ATP6V0A4: variants seen among roughly 807,000 people sequenced by gnomAD.
The protein encoded by ATP6V0A4 is ATPase H+ transporting V0 subunit a4, also known as V-type proton ATPase 116 kDa subunit a 4.
In ATP6V0A4, 86 loss-of-function variants were observed where a neutral mutation model predicts 107.3. The observed-to-expected ratio is 0.80, with a 90% CI of 0.67 to 0.96. The LOEUF (loss-of-function observed/expected upper bound fraction) is 0.96, where lower values mean the gene tolerates loss of function less well. Among genes scored for constraint, ATP6V0A4 ranks in the 40% least tolerant of loss-of-function variants. The probability of loss-of-function intolerance (pLI) is 0.00; values close to 1 mark genes in which losing one functional copy is unlikely to be tolerated. For synonymous variants in ATP6V0A4, 353 were observed against 381.4 expected, an observed-to-expected ratio of 0.93 and a Z score of 0.87; for missense variants, 908 against 1,045.6, an observed-to-expected ratio of 0.87 and a Z score of 1.81.
rs56391137 is a variant in ATP6V0A4, at chr7:138,710,192, A to ATTTTTT, written c.2258-403_2258-398dup. On this transcript the variant is annotated intron_variant, in intron 20 of 21. Transcript: ENST00000310018. ...AGAAGTGTGCCGCCACTGTCTGTTA[A>ATTTTTT]TTTTTTTTTTTTTTTCGAGACAGAG... 4.7e-4 allele frequency among the ~76,000 whole-genome samples: 63 copies of ATTTTTT among 135,250 alleles called. 2 individuals are homozygous for ATTTTTT. Among genetic ancestry groups the ATTTTTT allele is most frequent in the Non-Finnish European group, 5.9e-4 (38 of 64,064 alleles). The allele number at this position is 135,250 out of a possible 152,430, so 88.7% of individuals were successfully genotyped here. A position where few individuals can be genotyped will look rare whatever the true frequency, so the allele number is the denominator to read the frequency against.
At chr7:138,777,452 T>C (rs1807711877) in intron 2 of ATP6V0A4, among the ~76,000 whole-genome samples, 1 of 151,448 alleles carries the variant, frequency 6.6e-6, no homozygotes, top group African/African-American at 2.4e-5. Context: ...CCATCTCTAC[T>C]AAAAATACAA....
chr7:138,751,749 C>T (rs964447056), intron 11 of ATP6V0A4, among the ~76,000 whole-genome samples: 5 of 151,542 alleles, frequency 3.3e-5, no homozygotes, highest in Admixed American at 2.0e-4. Context: ...ACACCGCAAG[C>T]GATCTACATA....
chr7:138,753,081 G>T (rs568011385), intron 10 of ATP6V0A4, among the ~76,000 whole-genome samples: 64 of 152,282 alleles, frequency 4.2e-4, no homozygotes, highest in African/African-American at 1.4e-3. Context: ...ATTGTTATGG[G>T]TTGAATTGTC....
At position 138,773,337 on chromosome 7, in the gene ATP6V0A4, C is replaced by T. The variant is rs10237907; in HGVS notation, c.-17-2073G>A. Among the ~76,000 whole-genome samples, 3,023 of 152,200 alleles carry T rather than the reference C, an allele frequency of 0.02. 105 individuals are homozygous for T. Among genetic ancestry groups the T allele is most frequent in the African/African-American group, 0.067 (2,788 of 41,514 alleles). ...GGAAACTCAATATCCTCCTCTCCAC[C>T]GTCCATCCCACGCCCCGCATGACCC... On this transcript the variant is annotated intron_variant, in intron 2 of 21. Coordinates refer to ENST00000310018, the MANE Select transcript of ATP6V0A4 (RefSeq NM_020632.3). The surrounding 1 kb of genome is among the most constrained non-coding windows in gnomAD (Gnocchi z 5.4).
intron 1 of ATP6V0A4, among the ~76,000 whole-genome samples, chr7:138,786,752 C>T (rs1808195932): frequency 6.6e-6 from 1 of 152,078 alleles, no homozygotes; most frequent in African/African-American, 2.4e-5. Flanking sequence ...CCTCAGCCTC[C>T]CAAAATGCTG....
At chr7:138,709,595 T>G in intron 21 of ATP6V0A4, 29 bp downstream of exon 21, 3 of 1,603,878 alleles carry the variant, frequency 1.9e-6, no homozygotes, top group Non-Finnish European at 2.6e-6. Context: ...CAACACCACA[T>G]TGAGCTTCCA....
rs2117296442 is a variant in ATP6V0A4, at chr7:138,754,824, C to T, written c.816+865G>A. On this transcript the variant is annotated intron_variant, in intron 10 of 21. Transcript: ENST00000310018. The stretch of plus-strand genomic sequence containing the variant: ...TGTATTTTTAGTAGAGATGGGGTTT[C>T]ACCAGTTTGGTCAGGCTGGTCTTGA... 2.0e-5 allele frequency among the ~76,000 whole-genome samples: 3 copies of T among 152,202 alleles called. No individual in the cohort carries two copies. The Middle Eastern group carries it at 0.01, about 518-fold the overall frequency.
Position 138,775,939 on chromosome 7 carries a change from C to T in ATP6V0A4, c.-17-4675G>A, listed in dbSNP as rs1476045936. On this transcript the variant is annotated intron_variant, in intron 2 of 21. Transcript: ENST00000310018. ...TGCTGGGATTACAGGCGTGAGCCAC[C>T]GTGCTCAGCCATTGGCTGATTTTTT... Among the ~76,000 whole-genome samples the T allele has an allele frequency of 3.3e-5, 5 of 152,230 alleles. No individual in the cohort carries two copies. The South Asian group carries it at 1.0e-3, about 32-fold the overall frequency.
At chr7:138,793,806 G>T (rs967212906) in intron 1 of ATP6V0A4, among the ~76,000 whole-genome samples, 1 of 152,144 alleles carries the variant, frequency 6.6e-6, no homozygotes, top group Non-Finnish European at 1.5e-5. Context: ...GGTTGTTTTC[G>T]CCAAGAGGAA....
chr7:138,734,400 A>T lies in ATP6V0A4; in HGVS notation c.1573-146T>A. On this transcript the variant is annotated intron_variant, in intron 15 of 21. Coordinates refer to ENST00000310018, the MANE Select transcript of ATP6V0A4 (RefSeq NM_020632.3). ...CAGTCCAGCTCAATGCATACATTTT[A>T]GAGTCCAAAAAGGAAAAAAGGATGA... The T allele has an allele frequency of 5.2e-6, 7 of 1,350,926 alleles. No individual in the cohort carries two copies. In the South Asian group the frequency reaches 8.7e-5, roughly 17 times the overall value. The allele number at this position is 1,350,926 out of a possible 1,614,324, so 83.7% of individuals were successfully genotyped here.
chr7:138,757,315 AG>A (rs1806560291), intron 8 of ATP6V0A4, among the ~76,000 whole-genome samples: 1 of 152,168 alleles, frequency 6.6e-6, no homozygotes, highest in South Asian at 2.1e-4. Flanking sequence ...CAGGGGTTCA[AG>A]ACCAGCCTGG....
At chr7:138,768,189 C>T (rs1446103243) in intron 5 of ATP6V0A4, among the ~76,000 whole-genome samples, 1 of 152,142 alleles carries the variant, frequency 6.6e-6, no homozygotes, top group Non-Finnish European at 1.5e-5. Flanking sequence ...GCCTCGGCCT[C>T]CCAAAGTGGT....
chr7:138,737,115 A>AATATATATATATATATATATAT lies in ATP6V0A4; in HGVS notation c.1572+2424_1572+2425insATATATATATATATATATATAT, dbSNP rs1554394380. Among the ~76,000 whole-genome samples the AATATATATATATATATATATAT allele has an allele frequency of 3.5e-4, 30 of 86,758 alleles. 3 individuals are homozygous for AATATATATATATATATATATAT. The highest frequency in any genetic ancestry group is 1.4e-3 in the African/African-American group (30 of 21,104). 56.9% of individuals were successfully genotyped at this position (86,758 alleles called of 152,430 possible). A position where few individuals can be genotyped will look rare whatever the true frequency, so the allele number is the denominator to read the frequency against. Reference sequence around the variant, plus strand: ...GTTATGTAAAAAGTAAGCCCTTATTAATATATATATATGATACAAACTAAC... The same window carrying AATATATATATATATATATATAT: ...GTTATGTAAAAAGTAAGCCCTTATTAATATATATATATATATATATATATATATATATATGATACAAACTAAC... On this transcript the variant is annotated intron_variant, in intron 15 of 21. Coordinates refer to ENST00000310018, the MANE Select transcript of ATP6V0A4 (RefSeq NM_020632.3).
chr7:138,746,101 GA>G (rs1805941251), intron 13 of ATP6V0A4, among the ~76,000 whole-genome samples: 1 of 88,130 alleles, frequency 1.1e-5, no homozygotes, highest in Non-Finnish European at 2.6e-5. Context: ...AAAATAAACT[GA>G]AGTGCAAGCA....
intron 21 of ATP6V0A4, among the ~76,000 whole-genome samples, chr7:138,707,181 A>C (rs1401042519): frequency 1.6e-5 from 1 of 62,786 alleles, no homozygotes; most frequent in Non-Finnish European, 2.8e-5. Context: ...TATATTATAT[A>C]ATATATTATA....
At chr7:138,734,394 C>T (rs1484576989) in intron 15 of ATP6V0A4, 140 bp from the exon 16 acceptor site, 69 of 1,369,636 alleles carry the variant, frequency 5.0e-5, no homozygotes, top group Non-Finnish European at 6.7e-5. Context: ...TCAATGCATA[C>T]ATTTTAGAGT....
At chr7:138,715,676 G>T in intron 20 of ATP6V0A4, 88 bp downstream of exon 20, 2 of 1,520,128 alleles carry the variant, frequency 1.3e-6, no homozygotes, top group Non-Finnish European at 1.8e-6. Flanking sequence ...ATAGCTCGGA[G>T]AAGTCACCTT....
Position 138,706,507 on chromosome 7 carries a change from C to CTT in ATP6V0A4, c.*115_*116dup. Reference sequence around the variant, plus strand: ...CGTCCAAATAATACACAGTTTCATGCTTCAGGTGAGCCAAGAACAACCTTC... The same window carrying CTT: ...CGTCCAAATAATACACAGTTTCATGCTTTTCAGGTGAGCCAAGAACAACCTTC... On this transcript the variant is annotated 3_prime_UTR_variant, in exon 22 of 22. Transcript: ENST00000310018. 3.2e-6 allele frequency: 4 copies of CTT among 1,237,536 alleles called. No individual in the cohort carries two copies. Among genetic ancestry groups the CTT allele is most frequent in the Admixed American group, 3.9e-5 (2 of 51,294 alleles). The allele number at this position is 1,237,536 out of a possible 1,614,324, so 76.7% of individuals were successfully genotyped here. A position where few individuals can be genotyped will look rare whatever the true frequency, so the allele number is the denominator to read the frequency against.
chr7:138,762,012 C>T (rs763174831), intron 7 of ATP6V0A4, among the ~76,000 whole-genome samples: 1 of 152,132 alleles, frequency 6.6e-6, no homozygotes, highest in Non-Finnish European at 1.5e-5. Flanking sequence ...AAAGGAAAAA[C>T]ATAAGTCCCC....
Sources: gnomAD v4.1 joint callset for allele counts (sites outside exome capture counted in the v4.1 genomes callset) on GRCh38, gnomAD v4.1.1 for gene constraint, Gnocchi (gnomAD v3.1) non-coding constraint, MANE v1.5 for transcripts, NCBI Gene and HGNC (gene_info 2026-07-23, HGNC 2026-07-21) for gene names.